Variants in PTGER3 observed in about 807,000 individuals in gnomAD.
The protein encoded by PTGER3 is prostaglandin E receptor 3.
A neutral mutation model predicts 34.7 loss-of-function variants in PTGER3; 22 were observed. The observed-to-expected ratio is 0.63, with a 90% confidence interval of 0.45 to 0.91. The LOEUF (loss-of-function observed/expected upper bound fraction) is 0.91. PTGER3 is among the 40% of genes least tolerant of loss of function. PTGER3 has a pLI of 0.00. For missense variants in PTGER3, 468 were observed against 519.4 expected (o/e 0.90, Z 0.96); for synonymous variants, 241 against 230.1 (o/e 1.05, Z -0.43).
At position 71,024,685 on chromosome 1, in the gene PTGER3, G is replaced by A. The variant is rs1198398880; in HGVS notation, c.898-12201C>T. Among the ~76,000 whole-genome samples the A allele has an allele frequency of 3.1e-5, 4 of 131,088 alleles. No homozygotes were observed. The South Asian group carries it at 9.4e-4, about 31-fold the overall frequency. The allele number at this position is 131,088 out of a possible 152,430, so 86.0% of individuals were successfully genotyped here. ...TTTTTTTGCCTCAGCCTCTCGAGTAGCTGGGATTACAGGTGCCCGCCACCG... is the reference window on the plus strand; with the variant it reads ...TTTTTTTGCCTCAGCCTCTCGAGTAACTGGGATTACAGGTGCCCGCCACCG... On this transcript the variant is annotated intron_variant, in intron 1 of 3. Transcript: ENST00000306666.
intron 4 of PTGER3, among the ~76,000 whole-genome samples, chr1:70,872,252 T>C (rs1402714624): frequency 6.6e-6 from 1 of 152,256 alleles, no homozygotes; most frequent in Non-Finnish European, 1.5e-5. Flanking sequence ...TATGTTCATA[T>C]TGTCCTTCCT....
At chr1:70,995,869 G>T (rs1655893854) in intron 2 of PTGER3, among the ~76,000 whole-genome samples, 2 of 152,212 alleles carry the variant, frequency 1.3e-5, no homozygotes, top group South Asian at 2.1e-4. Flanking sequence ...TGTTAATATT[G>T]TCTATAAATG....
intron 4 of PTGER3, among the ~76,000 whole-genome samples, chr1:70,908,086 A>G (rs1646986712): frequency 6.6e-6 from 1 of 152,096 alleles, no homozygotes; most frequent in Non-Finnish European, 1.5e-5. Flanking sequence ...TCATCCTCTG[A>G]TTAATTATAC....
intron 4 of PTGER3, among the ~76,000 whole-genome samples, chr1:70,864,685 T>C (rs1336368261): frequency 6.6e-6 from 1 of 152,194 alleles, no homozygotes; most frequent in Non-Finnish European, 1.5e-5. Flanking sequence ...CAAATTCTTA[T>C]ATAATCCTTA....
At chr1:70,929,115 A>G (rs1572676754) in intron 4 of PTGER3, among the ~76,000 whole-genome samples, 1 of 152,150 alleles carries the variant, frequency 6.6e-6, no homozygotes, top group Non-Finnish European at 1.5e-5. Flanking sequence ...GTCATAGAAA[A>G]CATATGACTT....
At chr1:70,937,753 A>T (rs1649358735) in intron 4 of PTGER3, among the ~76,000 whole-genome samples, 1 of 152,146 alleles carries the variant, frequency 6.6e-6, no homozygotes, top group Non-Finnish European at 1.5e-5. Context: ...CATTTATTTA[A>T]TGGTTAATTA....
At chr1:70,958,268 C>T (rs907148001) in intron 2 of PTGER3, among the ~76,000 whole-genome samples, 2 of 152,094 alleles carry the variant, frequency 1.3e-5, no homozygotes, top group African/African-American at 4.8e-5. Flanking sequence ...TTAAAGGAAA[C>T]TTTATACTGT....
chr1:70,969,015 T>C (rs1652818863), downstream of PTGER3, among the ~76,000 whole-genome samples: 1 of 152,048 alleles, frequency 6.6e-6, no homozygotes, highest in Non-Finnish European at 1.5e-5. Flanking sequence ...AAGACCAGCC[T>C]GGCCAACATG....
In PTGER3 at chr1:70,900,655, C is replaced by T. The variant is rs201570980; in HGVS notation, c.*24-47796G>A. On this transcript the variant is annotated intron_variant, in intron 4 of 4. Coordinates refer to the PTGER3 transcript ENST00000370931. Reference sequence around the variant, plus strand: ...AAAATGTAATGTATGCAGCTTGGCACGTCATTAAGACAGGTATGGCCTTTC... The same window carrying T: ...AAAATGTAATGTATGCAGCTTGGCATGTCATTAAGACAGGTATGGCCTTTC... Among the ~76,000 whole-genome samples the T allele has an allele frequency of 3.9e-5, 6 of 152,240 alleles. No individual in the cohort carries two copies. The East Asian group carries it at 9.7e-4, about 25-fold the overall frequency.
At chr1:71,006,203 A>G (rs1417557332) in intron 2 of PTGER3, 4 of 985,290 alleles carry the variant, frequency 4.1e-6, no homozygotes, top group Non-Finnish European at 4.8e-6. Flanking sequence ...AGAGACAATA[A>G]GATCTGGTCC....
At chr1:70,870,516 T>C (rs564411392) in intron 4 of PTGER3, among the ~76,000 whole-genome samples, 29 of 152,386 alleles carry the variant, frequency 1.9e-4, no homozygotes, top group South Asian at 8.3e-4. Context: ...CCCTGCCACA[T>C]GGCTAGGCTG....
intron 4 of PTGER3, among the ~76,000 whole-genome samples, chr1:70,918,946 G>T (rs543608995): frequency 6.6e-6 from 1 of 152,146 alleles, no homozygotes; most frequent in South Asian, 2.1e-4. Flanking sequence ...CCATTTCAAT[G>T]AAATAGTTAT....
intron 4 of PTGER3, among the ~76,000 whole-genome samples, chr1:70,863,784 A>G (rs1186608197): frequency 1.3e-5 from 2 of 152,214 alleles, no homozygotes; most frequent in African/African-American, 4.8e-5. Flanking sequence ...GAAAGGTAGG[A>G]AAACATAAAG....
chr1:71,005,229 A>G (rs1401804793), intron 2 of PTGER3, among the ~76,000 whole-genome samples: 1 of 152,204 alleles, frequency 6.6e-6, no homozygotes, highest in East Asian at 1.9e-4. Context: ...CCCTAAAGCC[A>G]TGCCACTTTG....
chr1:70,922,639 G>T (rs1420744256), intron 4 of PTGER3, among the ~76,000 whole-genome samples: 1 of 151,842 alleles, frequency 6.6e-6, no homozygotes, highest in East Asian at 1.9e-4. Context: ...AAAAAAAAAA[G>T]TTGCTAAGAG....
intron 1 of PTGER3, among the ~76,000 whole-genome samples, chr1:71,032,497 T>C (rs1265590839): frequency 2.0e-5 from 3 of 152,226 alleles, no homozygotes; most frequent in East Asian, 3.8e-4. Context: ...ACCACAAATA[T>C]AAACTTATTA....
At position 71,015,288 on chromosome 1, in the gene PTGER3, C is replaced by G. The variant is rs918161117; in HGVS notation, c.898-2804G>C. Among the ~76,000 whole-genome samples, 39 of 152,194 alleles carry G rather than the reference C, an allele frequency of 2.6e-4. 1 individual carries two copies. The highest frequency in any genetic ancestry group is 8.9e-4 in the African/African-American group (37 of 41,522). ...TACTAGCAGGCATCCACATGTCCCT[C>G]AAAAACTTGGACGTATGGGGGAAGA... is the stretch of plus-strand genomic sequence containing the variant. On this transcript the variant is annotated intron_variant, in intron 1 of 3. Coordinates refer to ENST00000306666, the MANE Select transcript of PTGER3 (RefSeq NM_198719.2).
intron 4 of PTGER3, among the ~76,000 whole-genome samples, chr1:70,887,174 AT>A (rs1646516609): frequency 6.6e-6 from 1 of 152,162 alleles, no homozygotes; most frequent in Non-Finnish European, 1.5e-5. Context: ...GGGAAAGGAC[AT>A]TTATATGGAC....
intron 1 of PTGER3, among the ~76,000 whole-genome samples, chr1:71,032,478 C>T (rs1659494871): frequency 6.6e-6 from 1 of 152,208 alleles, no homozygotes; most frequent in Non-Finnish European, 1.5e-5. Flanking sequence ...ATTAAAACCT[C>T]ACATGTAGAC....
Sources: gnomAD v4.1 joint callset for allele counts (sites outside exome capture counted in the v4.1 genomes callset) on GRCh38, gnomAD v4.1.1 for gene constraint, MANE v1.5 for transcripts, NCBI Gene and HGNC (gene_info 2026-07-23, HGNC 2026-07-21) for gene names.